Variants in ELAC1 observed in about 807,000 individuals in gnomAD.
The protein encoded by ELAC1 is zinc phosphodiesterase ELAC protein 1.
In ELAC1, 19 loss-of-function variants were observed where a neutral mutation model predicts 25.8. That is an observed-to-expected ratio of 0.74 (90% CI 0.51 to 1.08). The LOEUF (loss-of-function observed/expected upper bound fraction) is 1.08. Ranked by LOEUF, ELAC1 falls within the 50% of genes least tolerant of loss-of-function variation. The probability of loss-of-function intolerance (pLI) is 0.00; values close to 1 mark genes in which losing one functional copy is unlikely to be tolerated. For missense variants in ELAC1, 403 were observed against 434.6 expected (o/e 0.93, Z 0.65); for synonymous variants, 148 against 160.9 (o/e 0.92, Z 0.61).
At chr18:50,981,285 T>A (rs1053169624) in intron 2 of ELAC1, among the ~76,000 whole-genome samples, 1 of 152,112 alleles carries the variant, frequency 6.6e-6, no homozygotes, top group Non-Finnish European at 1.5e-5. Context: ...AAGTCTCCCC[T>A]CATAGGTGAA....
intron 2 of ELAC1, 44 bp from the exon 3 acceptor site, chr18:50,984,052 T>G (rs763086983): frequency 2.2e-6 from 3 of 1,364,984 alleles, no homozygotes; most frequent in Non-Finnish European, 3.0e-6. Context: ...GGGTTTTTAG[T>G]TAATGAAAAA....
At chr18:50,982,210 G>A (rs568935590) in intron 2 of ELAC1, among the ~76,000 whole-genome samples, 9 of 152,188 alleles carry the variant, frequency 5.9e-5, no homozygotes, top group East Asian at 1.9e-4. Flanking sequence ...TTGGCAACCC[G>A]GACAGGGAGA....
intron 2 of ELAC1, among the ~76,000 whole-genome samples, chr18:50,982,895 C>T (rs1194571398): frequency 6.6e-6 from 1 of 152,114 alleles, no homozygotes; most frequent in East Asian, 1.9e-4. Context: ...TCTTCTTCCA[C>T]CTCACCCAGA....
intron 1 of ELAC1, among the ~76,000 whole-genome samples, chr18:50,971,469 C>G (rs764806765): frequency 2.6e-4 from 40 of 152,284 alleles, no homozygotes; most frequent in Non-Finnish European, 1.3e-4. Context: ...CTCACTGCAG[C>G]CTTAACCTTC....
At chr18:50,976,137 C>G (rs1907792043) in intron 2 of ELAC1, among the ~76,000 whole-genome samples, 1 of 152,104 alleles carries the variant, frequency 6.6e-6, no homozygotes, top group Non-Finnish European at 1.5e-5. Flanking sequence ...TATTGTTCTA[C>G]TGGGAAAAAG....
chr18:50,968,177 T>C (rs2960496), intron 1 of ELAC1, 63 bp downstream of exon 1: 146,673 of 152,154 alleles, frequency 0.96, 70,764 homozygotes, highest in East Asian at 1. Flanking sequence ...GCCGGCTCGA[T>C]CAGGCACGGC....
intron 2 of ELAC1, among the ~76,000 whole-genome samples, chr18:50,974,913 C>G (rs1042185722): frequency 1.3e-5 from 2 of 152,058 alleles, no homozygotes; most frequent in African/African-American, 4.8e-5. Context: ...TGAGAGGATG[C>G]AAAGGGTAGG....
intron 2 of ELAC1, among the ~76,000 whole-genome samples, chr18:50,982,305 G>A (rs942833895): frequency 1.3e-5 from 2 of 152,174 alleles, no homozygotes; most frequent in African/African-American, 4.8e-5. Context: ...CTGGGGATTC[G>A]CAAAGTCCAC....
intron 2 of ELAC1, among the ~76,000 whole-genome samples, chr18:50,977,104 T>C (rs1376766929): frequency 6.6e-6 from 1 of 152,164 alleles, no homozygotes; most frequent in Non-Finnish European, 1.5e-5. Flanking sequence ...TTTTCATGGG[T>C]TGGTGTTGAG....
intron 2 of ELAC1, among the ~76,000 whole-genome samples, chr18:50,983,529 T>TA (rs1457064802): frequency 6.6e-6 from 1 of 151,922 alleles, no homozygotes; most frequent in African/African-American, 2.4e-5. Flanking sequence ...AACTATGTAA[T>TA]ATGAAGATGT....
intron 2 of ELAC1, among the ~76,000 whole-genome samples, chr18:50,981,342 T>A (rs1381493589): frequency 6.6e-6 from 1 of 152,130 alleles, no homozygotes; most frequent in Non-Finnish European, 1.5e-5. Context: ...TGTGTGTGTG[T>A]GTATAGTTCT....
Position 50,986,927 on chromosome 18 carries a change from A to T in ELAC1, c.934A>T (p.Thr312Ser). The T allele has an allele frequency of 6.2e-7, 1 of 1,613,904 alleles. No individual in the cohort carries two copies. The highest frequency in any genetic ancestry group is 8.5e-7 in the Non-Finnish European group (1 of 1,179,888). The change falls in exon 4 of 4, where the codon ACT becomes TCT. Residue 312 changes from threonine (T) to serine (S), a missense_variant. Physicochemically the swap from Thr to Ser is moderately conservative, Grantham distance 58. Coordinates refer to ENST00000269466, the MANE Select transcript of ELAC1 (RefSeq NM_018696.3). ...KLCRAKRLVL[T>S]HFSQRYKPVA... is the part of the protein sequence containing the mutation. ...GTGCCGTGCAAAGAGGCTGGTTCTG[A>T]CTCACTTCAGTCAGAGGTACAAACC...
At chr18:50,969,232 A>C (rs1301279030) in intron 1 of ELAC1, 1 of 152,178 alleles carries the variant, frequency 6.6e-6, no homozygotes, top group Admixed American at 6.5e-5. Flanking sequence ...ATCTCTCTTA[A>C]TCTTTTTCTC....
intron 2 of ELAC1, among the ~76,000 whole-genome samples, chr18:50,976,606 T>C (rs890742482): frequency 7.9e-5 from 12 of 152,170 alleles, no homozygotes; most frequent in Non-Finnish European, 2.9e-5. Context: ...TAATGGGAGC[T>C]ACAATTCAAG....
At chr18:50,985,235 A>G in intron 3 of ELAC1, among the ~76,000 whole-genome samples, 1 of 152,132 alleles carries the variant, frequency 6.6e-6, no homozygotes, top group East Asian at 1.9e-4. Flanking sequence ...CGTGTTTTTG[A>G]TGACATCTTC....
intron 3 of ELAC1, among the ~76,000 whole-genome samples, chr18:50,985,072 C>T (rs1908063678): frequency 6.6e-6 from 1 of 152,110 alleles, no homozygotes; most frequent in Admixed American, 6.5e-5. Flanking sequence ...TAGAGCAAAA[C>T]CCAAGTATAC....
At chr18:50,977,295 C>G (rs898248821) in intron 2 of ELAC1, among the ~76,000 whole-genome samples, 13 of 152,352 alleles carry the variant, frequency 8.5e-5, no homozygotes, top group African/African-American at 2.2e-4. Flanking sequence ...TGTGAGGGCT[C>G]CACCCCTGCA....
chr18:50,974,013 T>C (rs1362534392), intron 1 of ELAC1, among the ~76,000 whole-genome samples: 1 of 152,224 alleles, frequency 6.6e-6, no homozygotes, highest in Non-Finnish European at 1.5e-5. Context: ...ACAGAATCGT[T>C]TCACTGCCTT....
In ELAC1 at chr18:50,986,814, A is replaced by G; in HGVS notation, c.821A>G (p.His274Arg). 6.2e-7 allele frequency: 1 copy of G among 1,614,188 alleles called. No individual in the cohort carries two copies. Residue 274 changes from histidine (H) to arginine (R), a missense_variant, in exon 4 of 4, where the codon CAC (histidine) becomes CGC (arginine). Physicochemically the swap from His to Arg is conservative, Grantham distance 29. Coordinates refer to ENST00000269466, the MANE Select transcript of ELAC1 (RefSeq NM_018696.3). ...TGCTTTGAAGCAGACCTGTTGATCC[A>G]CGAAGCAACCCTGGATGATGCCCAG... ...KLCFEADLLI[H>R]EATLDDAQMD... is the part of the protein sequence containing the mutation.
Sources: allele counts gnomAD v4.1 joint callset (sites outside exome capture counted in the v4.1 genomes callset), GRCh38; gene constraint gnomAD v4.1.1; transcripts MANE v1.5; gene names NCBI Gene and HGNC (gene_info 2026-07-23, HGNC 2026-07-21).